Variants in ADGRL3 observed in about 807,000 individuals in gnomAD.
ADGRL3 encodes calcium-independent alpha-latrotoxin receptor 3.
A neutral mutation model predicts 153.5 loss-of-function variants in ADGRL3; 62 were observed. The ratio of observed to expected loss-of-function variants is 0.40; its 90% CI spans 0.33 to 0.50. ADGRL3 has a LOEUF of 0.50. Ranked by LOEUF, ADGRL3 falls within the 20% of genes least tolerant of loss-of-function variation. ADGRL3 has a pLI of 0.47. For synonymous variants in ADGRL3, 710 were observed against 672.5 expected (o/e 1.06, Z -0.86); for missense variants, 1,641 against 1,859.4 (o/e 0.88, Z 2.16).
chr4:61,303,581 T>G (rs2094658433), intron 1 of ADGRL3, among the ~76,000 whole-genome samples: 1 of 152,200 alleles, frequency 6.6e-6, no homozygotes, highest in Non-Finnish European at 1.5e-5. Context: ...AACTGTCATT[T>G]TTTTAATTGT....
intron 17 of ADGRL3, 132 bp from the exon 18 acceptor site, chr4:61,979,431 A>G: frequency 1.4e-6 from 1 of 738,822 alleles, no homozygotes; most frequent in Non-Finnish European, 2.3e-6. Context: ...TCATTAAGTT[A>G]CTTTATTCAT....
chr4:61,350,201 C>CCATA (rs1422474043), intron 1 of ADGRL3, among the ~76,000 whole-genome samples: 1 of 151,992 alleles, frequency 6.6e-6, no homozygotes, highest in African/African-American at 2.4e-5. Flanking sequence ...GAGCATAAAC[C>CCATA]CATATATCTA....
At chr4:61,787,781 G>A (rs1454657844) in intron 8 of ADGRL3, among the ~76,000 whole-genome samples, 1 of 151,720 alleles carries the variant, frequency 6.6e-6, no homozygotes, top group Non-Finnish European at 1.5e-5. Context: ...AAAAAATTAT[G>A]ACAGATTCAT....
intron 1 of ADGRL3, among the ~76,000 whole-genome samples, chr4:61,286,024 G>C (rs2093927841): frequency 6.6e-6 from 1 of 151,196 alleles, no homozygotes; most frequent in South Asian, 2.1e-4. Context: ...TTTGTGGTCA[G>C]TTGTTTCACT....
chr4:61,389,965 TA>T (rs2096783372), intron 2 of ADGRL3, among the ~76,000 whole-genome samples: 2 of 152,148 alleles, frequency 1.3e-5, no homozygotes, highest in South Asian at 4.2e-4. Context: ...ATGGAGTGTA[TA>T]CAAAACAACA....
At chr4:61,745,569 A>G (rs914103554) in intron 8 of ADGRL3, among the ~76,000 whole-genome samples, 1 of 152,194 alleles carries the variant, frequency 6.6e-6, no homozygotes, top group Non-Finnish European at 1.5e-5. Flanking sequence ...ATTCTTAAAG[A>G]AAAGAATTTT....
At chr4:61,275,842 T>C (rs1460627686) in intron 1 of ADGRL3, among the ~76,000 whole-genome samples, 1 of 152,164 alleles carries the variant, frequency 6.6e-6, no homozygotes, top group Non-Finnish European at 1.5e-5. Flanking sequence ...TTGAATCTAT[T>C]TATTCTCTTA....
At chr4:61,539,821 C>T (rs1579415356) in intron 4 of ADGRL3, among the ~76,000 whole-genome samples, 1 of 152,240 alleles carries the variant, frequency 6.6e-6, no homozygotes, top group Non-Finnish European at 1.5e-5. Context: ...CCCACCTACC[C>T]TTCCCACAGG....
intron 8 of ADGRL3, among the ~76,000 whole-genome samples, chr4:61,794,176 G>A (rs1428602968): frequency 6.6e-6 from 1 of 152,268 alleles, no homozygotes; most frequent in East Asian, 1.9e-4. Context: ...TTTTAAACAC[G>A]TGAACTAGTT....
intron 4 of ADGRL3, among the ~76,000 whole-genome samples, chr4:61,544,014 G>A (rs1048221571): frequency 1.3e-5 from 2 of 152,154 alleles, no homozygotes; most frequent in South Asian, 2.1e-4. Context: ...AACTACTTAG[G>A]ATGCTTCTAA....
intron 4 of ADGRL3, among the ~76,000 whole-genome samples, chr4:61,519,289 G>A (rs1434026130): frequency 6.6e-6 from 1 of 152,016 alleles, no homozygotes; most frequent in East Asian, 1.9e-4. Flanking sequence ...CATGTATGTG[G>A]CAAGTTACAG....
At chr4:61,367,300 A>G (rs1347395092) in intron 1 of ADGRL3, among the ~76,000 whole-genome samples, 2 of 151,698 alleles carry the variant, frequency 1.3e-5, no homozygotes, top group African/African-American at 4.8e-5. Context: ...GGTTAGTTAT[A>G]TAAGTATACA....
chr4:61,724,265 T>A (rs1397001912), intron 6 of ADGRL3, among the ~76,000 whole-genome samples: 3 of 152,106 alleles, frequency 2.0e-5, no homozygotes. Context: ...CTTCGAAAAA[T>A]TATTATTTTT....
At chr4:62,007,383 TACACAC>T (rs71269038) in intron 21 of ADGRL3, among the ~76,000 whole-genome samples, 13 of 30,722 alleles carry the variant, frequency 4.2e-4, no homozygotes, top group South Asian at 8.7e-4. Flanking sequence ...TATATATATA[TACACAC>T]ACACACATAT....
intron 9 of ADGRL3, among the ~76,000 whole-genome samples, chr4:61,860,230 G>A (rs944966827): frequency 5.3e-5 from 8 of 152,036 alleles, no homozygotes; most frequent in African/African-American, 1.4e-4. Context: ...GTGTGCATGT[G>A]TGTATGTTTT....
At chr4:61,562,431 A>C (rs760133979) in intron 4 of ADGRL3, among the ~76,000 whole-genome samples, 1 of 152,312 alleles carries the variant, frequency 6.6e-6, no homozygotes, top group East Asian at 1.9e-4. Context: ...ACAGCATGTG[A>C]CCCACAGAAG....
intron 1 of ADGRL3, among the ~76,000 whole-genome samples, chr4:61,317,173 T>C (rs1231201637): frequency 1.3e-5 from 2 of 152,216 alleles, no homozygotes; most frequent in South Asian, 2.1e-4. Flanking sequence ...TTTTGTGTGA[T>C]TATTCTTTTA....
intron 2 of ADGRL3, among the ~76,000 whole-genome samples, chr4:61,462,512 G>T (rs1293671325): frequency 1.3e-5 from 2 of 151,984 alleles, no homozygotes; most frequent in South Asian, 4.2e-4. Context: ...GATATGTTGG[G>T]CTTGGTTTCA....
intron 1 of ADGRL3, among the ~76,000 whole-genome samples, chr4:61,213,840 T>A (rs1048573913): frequency 5.8e-4 from 89 of 152,194 alleles, no homozygotes; most frequent in Admixed American, 5.1e-3. Context: ...TGCTGAAAGC[T>A]TGGCCTGTTC....
Sources: allele counts gnomAD v4.1 joint callset (sites outside exome capture counted in the v4.1 genomes callset), GRCh38; gene constraint gnomAD v4.1.1; transcripts MANE v1.5; gene names NCBI Gene and HGNC (gene_info 2026-07-23, HGNC 2026-07-21).